Variants in TESMIN observed in about 807,000 individuals in gnomAD.
TESMIN encodes the protein CXC domain containing 2.
In TESMIN, 34 loss-of-function variants were observed where a neutral mutation model predicts 47.4. That is an observed-to-expected ratio of 0.72 (90% CI 0.55 to 0.96). TESMIN has a LOEUF of 0.96. Among genes scored for constraint, TESMIN ranks in the 40% least tolerant of loss-of-function variants. The pLI is 0.00. For missense variants in TESMIN, 610 were observed against 637.2 expected (o/e 0.96, Z 0.46); for synonymous variants, 278 against 258.9 (o/e 1.07, Z -0.71).
At position 68,751,473 on chromosome 11, in the gene TESMIN, G is replaced by A; in HGVS notation, c.-93C>T. 6.5e-6 allele frequency: 1 copy of A among 152,740 alleles called. No individual in the cohort carries two copies. The highest frequency in any genetic ancestry group is 1.5e-5 in the Non-Finnish European group (1 of 68,480). 9.5% of individuals were successfully genotyped at this position (152,740 alleles called of 1,614,324 possible). A position where few individuals can be genotyped will look rare whatever the true frequency, so the allele number is the denominator to read the frequency against. On this transcript the variant is annotated 5_prime_UTR_variant, in exon 1 of 10. Coordinates refer to ENST00000255087, the MANE Select transcript of TESMIN (RefSeq NM_004923.3). ...GAGCGAGCGGGATGGGGCGTGGGCCGGGCCTCAGGCGCAGGCGGCCGTTGG... is the reference window on the plus strand; with the variant it reads ...GAGCGAGCGGGATGGGGCGTGGGCCAGGCCTCAGGCGCAGGCGGCCGTTGG...
intron 3 of TESMIN, among the ~76,000 whole-genome samples, chr11:68,746,687 T>C (rs1196578729): frequency 1.3e-5 from 2 of 152,156 alleles, no homozygotes; most frequent in African/African-American, 2.4e-5. Flanking sequence ...GTAACATCTC[T>C]GTTTCTTACC....
At chr11:68,736,617 T>C (rs1306397371) in intron 6 of TESMIN, 2 of 985,194 alleles carry the variant, frequency 2.0e-6, no homozygotes, top group Non-Finnish European at 2.4e-6. Flanking sequence ...TAAGTAATTA[T>C]GTGCATAAAA....
At chr11:68,718,773 A>G (rs1223185414) in intron 6 of TESMIN, among the ~76,000 whole-genome samples, 3 of 152,210 alleles carry the variant, frequency 2.0e-5, no homozygotes, top group Non-Finnish European at 2.9e-5. Context: ...AAAAACAATG[A>G]TGTTAAAATT....
At chr11:68,739,737 G>C (rs372833300) in intron 5 of TESMIN, among the ~76,000 whole-genome samples, 1 of 152,100 alleles carries the variant, frequency 6.6e-6, no homozygotes, top group Admixed American at 6.6e-5. Context: ...TTCTTCCCGG[G>C]AAACCCCTTC....
intron 7 of TESMIN, among the ~76,000 whole-genome samples, chr11:68,714,458 C>T (rs955137373): frequency 7.9e-5 from 12 of 152,216 alleles, no homozygotes; most frequent in African/African-American, 1.7e-4. Context: ...TCCTCCTCAG[C>T]GGTGCACCCC....
chr11:68,734,418 C>T (rs552659423), intron 6 of TESMIN, among the ~76,000 whole-genome samples: 30 of 152,300 alleles, frequency 2.0e-4, no homozygotes, highest in African/African-American at 7.2e-4. Flanking sequence ...AGAAGAGACA[C>T]TCACCAAGGA....
At position 68,750,366 on chromosome 11, in the gene TESMIN, CG is replaced by C; in HGVS notation, c.294del (p.Ile100SerfsTer56). On this transcript the variant is annotated frameshift_variant, in exon 2 of 10. Transcript: ENST00000255087. LOFTEE classifies it high-confidence loss of function. ...TCCAGCGCGCTGAGCTCTGGGATCC[CG>C]GGGTACTCCCCGAGGAGCTCCCCGC... ...SDGGELLGEY[P>X]GIPELSALED... The C allele has an allele frequency of 6.6e-7, 1 of 1,510,438 alleles. No homozygotes were observed. 93.6% of individuals were successfully genotyped at this position (1,510,438 alleles called of 1,614,324 possible). A position where few individuals can be genotyped will look rare whatever the true frequency, so the allele number is the denominator to read the frequency against.
chr11:68,711,356 A>G (rs1946068300), intron 8 of TESMIN, among the ~76,000 whole-genome samples: 1 of 149,558 alleles, frequency 6.7e-6, no homozygotes, highest in Non-Finnish European at 1.5e-5. Flanking sequence ...GCATGAGTGT[A>G]TGTGGGGTTT....
At chr11:68,707,112 G>A (rs1219945609), downstream of TESMIN, among the ~76,000 whole-genome samples, 1 of 152,186 alleles carries the variant, frequency 6.6e-6, no homozygotes. Flanking sequence ...GGATCCCAGG[G>A]GTCCAAAGGG....
chr11:68,710,812 A>T, intron 9 of TESMIN, 62 bp downstream of exon 9: 1 of 1,459,802 alleles, frequency 6.9e-7, no homozygotes, highest in Non-Finnish European at 9.3e-7. Context: ...AATTGTCGTT[A>T]ATTCTCCTCT....
At position 68,707,941 on chromosome 11, in the gene TESMIN, G is replaced by A. The variant is rs1946015433; in HGVS notation, c.*367C>T. 4 of 459,504 alleles carry A rather than the reference G, an allele frequency of 8.7e-6. No homozygotes were observed. Among genetic ancestry groups the A allele is most frequent in the Non-Finnish European group, 1.7e-5 (4 of 230,002 alleles). The allele number at this position is 459,504 out of a possible 1,614,324, so 28.5% of individuals were successfully genotyped here. The stretch of plus-strand genomic sequence containing the variant: ...GCAACATTCTCTGAGAGGAAGAGTC[G>A]ACCAGAGTGAGCTCTCCGCAGGGCC... On this transcript the variant is annotated 3_prime_UTR_variant, in exon 10 of 10. Transcript: ENST00000255087.
downstream of TESMIN, among the ~76,000 whole-genome samples, chr11:68,705,126 C>T (rs978570701): frequency 1.3e-5 from 2 of 152,184 alleles, no homozygotes; most frequent in African/African-American, 4.8e-5. Flanking sequence ...GCACGGAGAC[C>T]GCACAGCCGG....
intron 6 of TESMIN, among the ~76,000 whole-genome samples, chr11:68,728,559 T>C (rs1946291509): frequency 6.6e-6 from 1 of 152,242 alleles, no homozygotes; most frequent in Non-Finnish European, 1.5e-5. Flanking sequence ...GTGGCTACAC[T>C]GAACAACAGG....
chr11:68,707,940 C>T lies in TESMIN; in HGVS notation c.*368G>A, dbSNP rs548062530. On this transcript the variant is annotated 3_prime_UTR_variant, in exon 10 of 10. Transcript: ENST00000255087. ...AGCAACATTCTCTGAGAGGAAGAGT[C>T]GACCAGAGTGAGCTCTCCGCAGGGC... is the stretch of plus-strand genomic sequence containing the variant. 1.6e-4 allele frequency: 75 copies of T among 460,894 alleles called. 1 individual carries two copies. The highest frequency in any genetic ancestry group is 1.3e-3 in the Admixed American group (56 of 42,042). 28.6% of individuals were successfully genotyped at this position (460,894 alleles called of 1,614,324 possible).
intron 6 of TESMIN, among the ~76,000 whole-genome samples, chr11:68,723,430 T>C (rs2153991268): frequency 7.5e-6 from 1 of 132,772 alleles, no homozygotes; most frequent in South Asian, 2.3e-4. Flanking sequence ...AAGTAGTCCA[T>C]AGGGGTAATT....
At chr11:68,746,931 A>C (rs1350386289) in intron 3 of TESMIN, among the ~76,000 whole-genome samples, 4 of 152,172 alleles carry the variant, frequency 2.6e-5, no homozygotes, top group African/African-American at 9.7e-5. Context: ...CCCTGACCCC[A>C]GCACTGCACT....
intron 6 of TESMIN, among the ~76,000 whole-genome samples, chr11:68,732,068 G>A (rs918971033): frequency 6.6e-5 from 10 of 152,138 alleles, no homozygotes; most frequent in African/African-American, 2.4e-4. Flanking sequence ...CACAGAATTC[G>A]AGGTGTGTAG....
chr11:68,706,086 CATGAT>C (rs1945994403), downstream of TESMIN, among the ~76,000 whole-genome samples: 1 of 147,678 alleles, frequency 6.8e-6, no homozygotes, highest in Non-Finnish European at 1.5e-5. Flanking sequence ...CAAATAAGAA[CATGAT>C]ATGTTAATTT....
intron 2 of TESMIN, among the ~76,000 whole-genome samples, chr11:68,748,774 AT>A: frequency 6.6e-6 from 1 of 152,336 alleles, no homozygotes; most frequent in South Asian, 2.1e-4. Flanking sequence ...CAGACCAGCA[AT>A]CTCTTAAAAT....
Sources: allele counts gnomAD v4.1 joint callset (sites outside exome capture counted in the v4.1 genomes callset), GRCh38; gene constraint gnomAD v4.1.1; transcripts MANE v1.5; gene names NCBI Gene and HGNC (gene_info 2026-07-23, HGNC 2026-07-21).